The following LTBP2 variants were observed in gnomAD, a reference collection of about 807,000 sequenced individuals.
The protein encoded by LTBP2 is latent-transforming growth factor beta-binding protein 2.
In LTBP2, 103 loss-of-function variants were observed where a neutral mutation model predicts 210.6. The observed-to-expected ratio is 0.49, with a 90% CI of 0.42 to 0.58. The LOEUF is 0.58. Among genes scored for constraint, LTBP2 ranks in the 20% least tolerant of loss-of-function variants. LTBP2 has a pLI of 0.00. For missense variants in LTBP2, 2,313 were observed against 2,494.5 expected, an observed-to-expected ratio of 0.93 and a Z score of 1.55; for synonymous variants, 1,007 against 1,015.0, an observed-to-expected ratio of 0.99 and a Z score of 0.15.
intron 2 of LTBP2, among the ~76,000 whole-genome samples, chr14:74,602,954 T>A (rs1271654155): frequency 6.6e-6 from 1 of 152,140 alleles, no homozygotes; most frequent in Non-Finnish European, 1.5e-5. Flanking sequence ...CTTGGAAATG[T>A]GGGATGCGGA....
chr14:74,523,432 G>A (rs1455883614), intron 15 of LTBP2, among the ~76,000 whole-genome samples: 1 of 152,052 alleles, frequency 6.6e-6, no homozygotes, highest in African/African-American at 2.4e-5. Context: ...GTGAAAGGTG[G>A]GGGTGGGTCA....
Position 74,612,181 on chromosome 14 carries a change from C to T in LTBP2, c.-237G>A. 2.0e-6 allele frequency: 1 copy of T among 495,482 alleles called. No individual in the cohort carries two copies. The highest frequency in any genetic ancestry group is 3.5e-6 in the Non-Finnish European group (1 of 285,566). 30.7% of individuals were successfully genotyped at this position (495,482 alleles called of 1,614,324 possible). A position where few individuals can be genotyped will look rare whatever the true frequency, so the allele number is the denominator to read the frequency against. On this transcript the variant is annotated 5_prime_UTR_variant, in exon 1 of 36. Transcript: ENST00000261978. ...GGCTCGCACGGCTGCTGCACCTTCG[C>T]GCCTCCTCCCTGTGCCTGCAGCCGT...
rs956736934 is a variant in LTBP2, at chr14:74,498,896, G to A, written c.*1988C>T. On this transcript the variant is annotated 3_prime_UTR_variant, in exon 36 of 36. Coordinates refer to ENST00000261978, the MANE Select transcript of LTBP2 (RefSeq NM_000428.3). ...GGAATTTAGAGCCACCTTTTTTAAG[G>A]GTTCCATAGCAATTAATTGTTTCTA... 4 of 226,468 alleles carry A rather than the reference G, an allele frequency of 1.8e-5. No homozygotes were observed. The highest frequency in any genetic ancestry group is 5.7e-5 in the Admixed American group (1 of 17,564). 14.0% of individuals were successfully genotyped at this position (226,468 alleles called of 1,614,324 possible). A position where few individuals can be genotyped will look rare whatever the true frequency, so the allele number is the denominator to read the frequency against.
At chr14:74,562,336 G>A (rs929507831) in intron 3 of LTBP2, among the ~76,000 whole-genome samples, 6 of 152,148 alleles carry the variant, frequency 3.9e-5, no homozygotes, top group African/African-American at 7.2e-5. Context: ...GAGGGGAGAG[G>A]GGGGAAGGGA....
intron 3 of LTBP2, among the ~76,000 whole-genome samples, chr14:74,574,942 G>A (rs1012988801): frequency 1.3e-5 from 2 of 152,194 alleles, no homozygotes; most frequent in Admixed American, 6.5e-5. Flanking sequence ...GGGAGAAGGC[G>A]GGGCCTCCTC....
At position 74,508,676 on chromosome 14, in the gene LTBP2, T is replaced by G; in HGVS notation, c.3580A>C (p.Asn1194His). 6.2e-7 allele frequency: 1 copy of G among 1,613,662 alleles called. No homozygotes were observed. Among genetic ancestry groups the G allele is most frequent in the Non-Finnish European group, 8.5e-7 (1 of 1,179,990 alleles). ...EHCAPHGECL[N>H]SHGSFFCLCA... ...AGACAGAAGAAAGACCCGTGGCTGT[T>G]GAGGCACTCGCCGTGGGGTGCGCAG... Residue 1194 changes from asparagine (N) to histidine (H), a missense_variant, in exon 24 of 36, where the codon AAC becomes CAC. Transcript: ENST00000261978.
At chr14:74,544,640 T>C (rs2087555499) in intron 8 of LTBP2, among the ~76,000 whole-genome samples, 1 of 152,172 alleles carries the variant, frequency 6.6e-6, no homozygotes, top group Admixed American at 6.5e-5. Context: ...ACTCTCGTCA[T>C]GGGCAAGGGT....
intron 3 of LTBP2, among the ~76,000 whole-genome samples, chr14:74,582,443 C>T (rs923278176): frequency 1.3e-5 from 2 of 151,614 alleles, no homozygotes; most frequent in African/African-American, 4.8e-5. Context: ...CTCCAGTTTC[C>T]TCTCTCTGCT....
chr14:74,503,170 C>T (rs2086934092), intron 33 of LTBP2, 49 bp downstream of exon 33: 5 of 1,606,926 alleles, frequency 3.1e-6, no homozygotes, highest in Middle Eastern at 1.8e-4. Flanking sequence ...CATCCCCCTC[C>T]CTGGGGCCTG....
intron 2 of LTBP2, among the ~76,000 whole-genome samples, chr14:74,592,209 G>A (rs1262920660): frequency 6.6e-6 from 1 of 152,216 alleles, no homozygotes; most frequent in African/African-American, 2.4e-5. Flanking sequence ...ATCTCCAGTG[G>A]CAGAGGCTAT....
intron 1 of LTBP2, among the ~76,000 whole-genome samples, chr14:74,607,483 T>C (rs538455523): frequency 5.9e-5 from 9 of 152,276 alleles, no homozygotes; most frequent in Non-Finnish European, 1.0e-4. Context: ...GCAAAAAAAT[T>C]CAGTAGAATT....
chr14:74,558,813 A>C (rs1433053117), intron 3 of LTBP2, among the ~76,000 whole-genome samples: 2 of 152,200 alleles, frequency 1.3e-5, no homozygotes, highest in African/African-American at 4.8e-5. Flanking sequence ...CAAATAAACA[A>C]ACCATGTATT....
intron 10 of LTBP2, among the ~76,000 whole-genome samples, chr14:74,530,071 C>G (rs1353442820): frequency 6.6e-6 from 1 of 152,212 alleles, no homozygotes; most frequent in Non-Finnish European, 1.5e-5. Flanking sequence ...AATGATGATT[C>G]CATCGCAGGG....
At chr14:74,524,581 G>A (rs1277679082) in intron 15 of LTBP2, among the ~76,000 whole-genome samples, 1 of 152,130 alleles carries the variant, frequency 6.6e-6, no homozygotes, top group Non-Finnish European at 1.5e-5. Context: ...TCCAGAGCAA[G>A]GTGGATTTGC....
intron 3 of LTBP2, among the ~76,000 whole-genome samples, chr14:74,583,632 G>A (rs1595291834): frequency 2.0e-5 from 3 of 152,344 alleles, no homozygotes; most frequent in Admixed American, 2.0e-4. Flanking sequence ...TCACACACAG[G>A]AAACCTTCAC....
At position 74,603,717 on chromosome 14, in the gene LTBP2, C is replaced by T. The variant is rs575586944; in HGVS notation, c.495-12G>A. ...CGCAGACGTTCCTCCTGTGGGGTCA[C>T]CAAAACAGAGTCAACACAAGGATGC... On this transcript the variant is annotated splice_polypyrimidine_tract_variant and intron_variant, in intron 1 of 35. Coordinates refer to ENST00000261978, the MANE Select transcript of LTBP2 (RefSeq NM_000428.3). The T allele has an allele frequency of 6.2e-6, 10 of 1,613,430 alleles. 1 individual carries two copies. In the South Asian group the frequency reaches 1.1e-4, roughly 18 times the overall value.
At position 74,611,761 on chromosome 14, in the gene LTBP2, C is replaced by A. The variant is rs372690077; in HGVS notation, c.184G>T (p.Ala62Ser). 11 of 1,608,242 alleles carry A rather than the reference C, an allele frequency of 6.8e-6. No individual in the cohort carries two copies. Among genetic ancestry groups the A allele is most frequent in the East Asian group, 6.7e-5 (3 of 44,834 alleles). ...RLRRPGGSYP[A>S]AAAAKVYSLF... ...CTGTACACCTTGGCTGCAGCCGCTGCCGGGTAGCTGCCCCCAGGGCGCCGC... is the reference window on the plus strand; with the variant it reads ...CTGTACACCTTGGCTGCAGCCGCTGACGGGTAGCTGCCCCCAGGGCGCCGC... Residue 62 changes from alanine to serine, a missense_variant, in exon 1 of 36, where the codon GCA becomes TCA. Ala to Ser is a moderately conservative substitution (Grantham distance 99). This residue lies in a region of LTBP2 where 1,867 missense variants were observed against 1,976.9 expected (regional missense o/e 0.94). Coordinates refer to ENST00000261978, the MANE Select transcript of LTBP2 (RefSeq NM_000428.3).
intron 8 of LTBP2, among the ~76,000 whole-genome samples, chr14:74,542,427 A>T (rs534128444): frequency 2.0e-4 from 31 of 152,364 alleles, no homozygotes; most frequent in Admixed American, 1.9e-3. Flanking sequence ...GAGAAAGTGA[A>T]GAGTGTCTGG....
rs771641856 is a variant in LTBP2, at chr14:74,505,025, T to TAG, written c.4325_4326dup (p.Ser1443LeufsTer49). ...CAGAGGTCACAGGCATCTCCCCAGC[T>TAG]AGCGCCCTGGGTGCAGCAGCATTCA... is the stretch of plus-strand genomic sequence containing the variant. On this transcript the variant is annotated frameshift_variant, in exon 29 of 36. Coordinates refer to ENST00000261978, the MANE Select transcript of LTBP2 (RefSeq NM_000428.3). LOFTEE classifies it high-confidence loss of function. 2.5e-6 allele frequency: 4 copies of TAG among 1,614,082 alleles called. No homozygotes were observed. The highest frequency in any genetic ancestry group is 3.4e-6 in the Non-Finnish European group (4 of 1,180,034).
Sources: allele counts gnomAD v4.1 joint callset (sites outside exome capture counted in the v4.1 genomes callset), GRCh38; gene constraint gnomAD v4.1.1; regional missense constraint gnomAD v4.1.1; transcripts MANE v1.5; gene names NCBI Gene and HGNC (gene_info 2026-07-23, HGNC 2026-07-21).